TMEM154: variants seen among roughly 807,000 people sequenced by gnomAD.
The protein encoded by TMEM154 is transmembrane protein 154.
In TMEM154, 27 loss-of-function variants were observed where a neutral mutation model predicts 24.5. The observed-to-expected ratio is 1.10, with a 90% CI of 0.81 to 1.52. The LOEUF is 1.52. Among genes scored for constraint, TMEM154 ranks in the 40% most tolerant of loss-of-function variants. The pLI is 0.00. For synonymous variants in TMEM154, 67 were observed against 76.8 expected, an observed-to-expected ratio of 0.87 and a Z score of 0.67; for missense variants, 228 against 213.4, an observed-to-expected ratio of 1.07 and a Z score of -0.43.
chr4:152,671,764 A>AAAAAAAG (rs1728844908), intron 1 of TMEM154, among the ~76,000 whole-genome samples: 1 of 146,390 alleles, frequency 6.8e-6, no homozygotes, highest in Non-Finnish European at 1.5e-5. Context: ...AAAAAAAAAA[A>AAAAAAAG]AAAAGAAAAG....
chr4:152,631,662 C>A (rs572997407), intron 6 of TMEM154, among the ~76,000 whole-genome samples: 10 of 152,052 alleles, frequency 6.6e-5, no homozygotes, highest in South Asian at 2.1e-4. Flanking sequence ...AACTCCTGGG[C>A]TCAAGCAATC....
intron 3 of TMEM154, among the ~76,000 whole-genome samples, chr4:152,649,584 A>G (rs184039004): frequency 2.8e-4 from 43 of 152,338 alleles, no homozygotes; most frequent in African/African-American, 1.0e-3. Context: ...GGTGGGGGAG[A>G]AAATAAAATC....
intron 6 of TMEM154, among the ~76,000 whole-genome samples, chr4:152,632,071 T>A (rs932883956): frequency 2.0e-5 from 3 of 152,172 alleles, no homozygotes; most frequent in Non-Finnish European, 2.9e-5. Flanking sequence ...CCTCCCAAAG[T>A]GCTGGGATTA....
At chr4:152,645,097 T>A (rs551091255) in intron 3 of TMEM154, among the ~76,000 whole-genome samples, 1 of 139,022 alleles carries the variant, frequency 7.2e-6, no homozygotes, top group Non-Finnish European at 1.5e-5. Flanking sequence ...TGGCCACAAT[T>A]TCTCATTGGT....
At position 152,627,379 on chromosome 4, in the gene TMEM154, A is replaced by G. The variant is rs1475843626; in HGVS notation, c.*1167T>C. ...ATCCAAGGAGAGCTGAGGATTCTCAATTTGCTAGATTGCTTTAAAGGGGTC... is the reference window on the plus strand; with the variant it reads ...ATCCAAGGAGAGCTGAGGATTCTCAGTTTGCTAGATTGCTTTAAAGGGGTC... On this transcript the variant is annotated 3_prime_UTR_variant, in exon 7 of 7. Coordinates refer to ENST00000304385, the MANE Select transcript of TMEM154 (RefSeq NM_152680.3). 2 of 152,244 alleles carry G rather than the reference A, an allele frequency of 1.3e-5. No individual in the cohort carries two copies. The highest frequency in any genetic ancestry group is 6.5e-5 in the Admixed American group (1 of 15,284). The allele number at this position is 152,244 out of a possible 1,614,324, so 9.4% of individuals were successfully genotyped here.
intron 4 of TMEM154, 145 bp from the exon 5 acceptor site, chr4:152,643,318 T>C (rs1752292364): frequency 1.6e-6 from 1 of 619,062 alleles, no homozygotes; most frequent in Non-Finnish European, 2.8e-6. Flanking sequence ...GCTTGCCCTA[T>C]TCCAAACTAC....
intron 6 of TMEM154, among the ~76,000 whole-genome samples, chr4:152,632,432 C>T (rs1752064309): frequency 6.6e-6 from 1 of 152,194 alleles, no homozygotes; most frequent in African/African-American, 2.4e-5. Context: ...ACCCTTATTC[C>T]ATCTTACAAT....
At chr4:152,660,927 CT>C (rs1330839608) in intron 1 of TMEM154, among the ~76,000 whole-genome samples, 2 of 152,092 alleles carry the variant, frequency 1.3e-5, no homozygotes, top group African/African-American at 4.8e-5. Flanking sequence ...AATGAAGTCC[CT>C]AGAAGAACAC....
chr4:152,676,303 C>T (rs906160231), intron 1 of TMEM154, among the ~76,000 whole-genome samples: 8 of 152,212 alleles, frequency 5.3e-5, no homozygotes, highest in East Asian at 3.8e-4. Flanking sequence ...GAGTTCTGTG[C>T]TGCACCTACA....
In TMEM154 at chr4:152,661,291, TCTCTC is replaced by T. The variant is rs1561054942; in HGVS notation, c.65-8369_65-8365del. On this transcript the variant is annotated intron_variant, in intron 1 of 6. Coordinates refer to ENST00000304385, the MANE Select transcript of TMEM154 (RefSeq NM_152680.3). ...ATCAAGGGATTGTTCTCTTTCTCTC[TCTCTC>T]TCTCTCTCTCTCTCTCTCTCTCTCT... Among the ~76,000 whole-genome samples the T allele has an allele frequency of 3.5e-3, 198 of 56,548 alleles. 3 individuals are homozygous for T. Among genetic ancestry groups the T allele is most frequent in the African/African-American group, 0.01 (181 of 17,370 alleles). 37.1% of individuals were successfully genotyped at this position (56,548 alleles called of 152,430 possible). A position where few individuals can be genotyped will look rare whatever the true frequency, so the allele number is the denominator to read the frequency against.
rs1375193733 is a variant in TMEM154 at position 152,619,852 on chromosome 4, C to T, written c.*8694G>A. The T allele has an allele frequency of 6.6e-6, 1 of 152,218 alleles. No homozygotes were observed. The highest frequency in any genetic ancestry group is 1.5e-5 in the Non-Finnish European group (1 of 68,044). 9.4% of individuals were successfully genotyped at this position (152,218 alleles called of 1,614,324 possible). On this transcript the variant is annotated 3_prime_UTR_variant, in exon 7 of 7. Transcript: ENST00000304385. ...GAGAGTTGAACCATTTGCACTGAGC[C>T]TCATGCAAATTGCAGATTTGTGTGA...
At chr4:152,671,026 A>G (rs1728824366) in intron 1 of TMEM154, among the ~76,000 whole-genome samples, 1 of 152,190 alleles carries the variant, frequency 6.6e-6, no homozygotes, top group Non-Finnish European at 1.5e-5. Context: ...TGGGAGAGGA[A>G]GACATTCATT....
chr4:152,659,232 G>A (rs145932095), intron 1 of TMEM154, among the ~76,000 whole-genome samples: 1 of 152,130 alleles, frequency 6.6e-6, no homozygotes, highest in Non-Finnish European at 1.5e-5. Context: ...AAAGCTGGAG[G>A]TCATTATTTT....
chr4:152,628,462 T>G lies in TMEM154; in HGVS notation c.*84A>C. The G allele has an allele frequency of 6.3e-7, 1 of 1,596,726 alleles. No homozygotes were observed. On this transcript the variant is annotated 3_prime_UTR_variant, in exon 7 of 7. Transcript: ENST00000304385. ...ATGTTGATTTGAAATTAATTAAATT[T>G]GTATCCTCTTCATCCTCTGTTGGCA...
chr4:152,668,981 C>G (rs1422064698), intron 1 of TMEM154: 1 of 152,234 alleles, frequency 6.6e-6, no homozygotes, highest in Non-Finnish European at 1.5e-5. Flanking sequence ...CCATCCTGAA[C>G]AGTCTTCTAG....
intron 3 of TMEM154, among the ~76,000 whole-genome samples, chr4:152,645,755 T>G (rs1752355049): frequency 6.6e-6 from 1 of 152,178 alleles, no homozygotes; most frequent in South Asian, 2.1e-4. Context: ...TAATTTCCTG[T>G]GGGTTGGCAA....
chr4:152,655,234 G>A (rs1728466677), intron 1 of TMEM154, among the ~76,000 whole-genome samples: 1 of 152,200 alleles, frequency 6.6e-6, no homozygotes, highest in Non-Finnish European at 1.5e-5. Flanking sequence ...GGGAAATAAG[G>A]CATCCTTCTT....
intron 6 of TMEM154, among the ~76,000 whole-genome samples, chr4:152,632,267 G>T (rs1412447491): frequency 6.6e-6 from 1 of 152,034 alleles, no homozygotes; most frequent in African/African-American, 2.4e-5. Context: ...TAAAGCATGA[G>T]GTTGAGCTCT....
intron 3 of TMEM154, among the ~76,000 whole-genome samples, chr4:152,646,224 G>C (rs1368895175): frequency 6.6e-6 from 1 of 152,032 alleles, no homozygotes; most frequent in African/African-American, 2.4e-5. Flanking sequence ...TTTATAATCC[G>C]GGTTCCCCAC....
Sources: gnomAD v4.1 joint callset for allele counts (sites outside exome capture counted in the v4.1 genomes callset) on GRCh38, gnomAD v4.1.1 for gene constraint, MANE v1.5 for transcripts, NCBI Gene and HGNC (gene_info 2026-07-23, HGNC 2026-07-21) for gene names.